PCDHGB1: variants seen among roughly 807,000 people sequenced by gnomAD.
PCDHGB1 encodes the protein protocadherin gamma subfamily B, 1, also known as protocadherin gamma-B1.
A neutral mutation model predicts 56.6 loss-of-function variants in PCDHGB1; 34 were observed. The observed-to-expected ratio is 0.60, with a 90% CI of 0.46 to 0.80. PCDHGB1 has a LOEUF of 0.80. Ranked by LOEUF, PCDHGB1 falls within the 30% of genes least tolerant of loss-of-function variation. The pLI is 0.00. For synonymous variants in PCDHGB1, 561 were observed against 505.9 expected (o/e 1.11, Z -1.46); for missense variants, 1,278 against 1,204.6 (o/e 1.06, Z -0.90).
At position 141,352,431 on chromosome 5, in the gene PCDHGB1, A is replaced by G. The variant is rs1158793043; in HGVS notation, c.2171A>G (p.Gln724Arg). 6.2e-7 allele frequency: 1 copy of G among 1,613,890 alleles called. No homozygotes were observed. Among genetic ancestry groups the G allele is most frequent in the African/African-American group, 1.3e-5 (1 of 74,920 alleles). The part of the protein sequence containing the change: ...SSSLDTEGCF[Q>R]TGLCSKSGPG... ...AGCCTCGACACTGAGGGCTGCTTTCAAACCGGTCTCTGCTCCAAGTCTGGG... is the reference window on the plus strand; with the variant it reads ...AGCCTCGACACTGAGGGCTGCTTTCGAACCGGTCTCTGCTCCAAGTCTGGG... The change falls in exon 1 of 4, where the codon CAA (glutamine) becomes CGA (arginine). Residue 724 changes from glutamine to arginine, a missense_variant. By Grantham distance (43) the Gln-to-Arg change is conservative. Transcript: ENST00000523390.
At chr5:141,368,172 A>G (rs1160663847) in intron 1 of PCDHGB1, among the ~76,000 whole-genome samples, 2 of 152,230 alleles carry the variant, frequency 1.3e-5, no homozygotes, top group African/African-American at 4.8e-5. Context: ...TCAGCTTCAA[A>G]TAATGACTAA....
chr5:141,389,767 G>C, intron 1 of PCDHGB1: 2 of 1,613,028 alleles, frequency 1.2e-6, no homozygotes, highest in Non-Finnish European at 8.5e-7. Context: ...CGCACAGCGC[G>C]TGCCTTAGGC....
intron 1 of PCDHGB1, among the ~76,000 whole-genome samples, chr5:141,449,674 TA>T (rs2154562752): frequency 6.6e-6 from 1 of 151,604 alleles, no homozygotes; most frequent in African/African-American, 2.4e-5. Context: ...AGTGTGTATG[TA>T]TATATGTTTG....
intron 1 of PCDHGB1, among the ~76,000 whole-genome samples, chr5:141,358,638 TAAGTAGATTC>T (rs936641490): frequency 2.8e-4 from 42 of 152,294 alleles, no homozygotes; most frequent in African/African-American, 9.4e-4. Context: ...CAGTCATATA[TAAGTAGATTC>T]TAGGAGTAAC....
chr5:141,374,296 G>A, intron 1 of PCDHGB1: 3 of 1,613,974 alleles, frequency 1.9e-6, no homozygotes, highest in Non-Finnish European at 2.5e-6. Flanking sequence ...CCAGAGGTAG[G>A]ATGCAGCTTT....
intron 1 of PCDHGB1, among the ~76,000 whole-genome samples, chr5:141,446,394 A>C (rs796472404): frequency 1.1e-4 from 17 of 152,344 alleles, no homozygotes; most frequent in African/African-American, 3.4e-4. Context: ...ATTTAAGAGA[A>C]ATCGAGTTGA....
chr5:141,508,241 T>G (rs1475142426), intron 3 of PCDHGB1: 2 of 152,286 alleles, frequency 1.3e-5, no homozygotes, highest in East Asian at 3.9e-4. Context: ...CTCCTAAGTC[T>G]GCCTCTCCTG....
chr5:141,467,321 G>A (rs2099141786), intron 1 of PCDHGB1, among the ~76,000 whole-genome samples: 2 of 152,024 alleles, frequency 1.3e-5, no homozygotes, highest in East Asian at 1.9e-4. Context: ...CCACAGTGCT[G>A]GGATTAGAGA....
chr5:141,478,517 T>G (rs1593923092), intron 1 of PCDHGB1: 1 of 1,611,116 alleles, frequency 6.2e-7, no homozygotes, highest in Non-Finnish European at 8.5e-7. Context: ...TAGGCAGGTG[T>G]TGGGTGCAGA....
chr5:141,360,069 G>T, intron 1 of PCDHGB1: 1 of 1,469,260 alleles, frequency 6.8e-7, no homozygotes, highest in East Asian at 2.5e-5. Context: ...AGTGACCTTA[G>T]CCCGGATTCT....
rs1428910817 is a variant in PCDHGB1, at chr5:141,390,296, A to G, written c.2409+37627A>G. ...CTTCCCATCAGGTGAGTTTCCTTTA[A>G]GTATAATTTAATGCTCATTGCCTAC... On this transcript the variant is annotated intron_variant, in intron 1 of 3. Coordinates refer to ENST00000523390, the MANE Select transcript of PCDHGB1 (RefSeq NM_018922.3). 7 of 1,613,806 alleles carry G rather than the reference A, an allele frequency of 4.3e-6. No individual in the cohort carries two copies. The Admixed American group carries it at 1.2e-4, about 27-fold the overall frequency.
At chr5:141,384,266 C>A in intron 1 of PCDHGB1, 1 of 1,613,876 alleles carries the variant, frequency 6.2e-7, no homozygotes, top group Non-Finnish European at 8.5e-7. Context: ...CCCCACTCAT[C>A]CTACTCAGTC....
intron 1 of PCDHGB1, chr5:141,376,964 G>C (rs1365805251): frequency 6.2e-6 from 1 of 160,316 alleles, no homozygotes; most frequent in Non-Finnish European, 1.4e-5. Flanking sequence ...TGGGATTACA[G>C]GCGTGAGCCA....
intron 1 of PCDHGB1, chr5:141,360,246 T>C: frequency 6.2e-7 from 1 of 1,613,890 alleles, no homozygotes; most frequent in Admixed American, 1.7e-5. Flanking sequence ...GCTATTCAAT[T>C]CCAGAGGAGC....
At chr5:141,372,524 A>G (rs1768835682) in intron 1 of PCDHGB1, 2 of 1,613,968 alleles carry the variant, frequency 1.2e-6, no homozygotes, top group East Asian at 2.2e-5. Context: ...TGATTCTGGC[A>G]ATCTCCCTGC....
intron 1 of PCDHGB1, chr5:141,362,613 T>G: frequency 6.4e-7 from 1 of 1,552,174 alleles, no homozygotes; most frequent in East Asian, 2.3e-5. Context: ...CTAATTTGGG[T>G]AGGAAGTTCC....
In PCDHGB1 at chr5:141,476,529, A is replaced by G. The variant is rs752442904; in HGVS notation, c.2410-18278A>G. On this transcript the variant is annotated intron_variant, in intron 1 of 3. Coordinates refer to ENST00000523390, the MANE Select transcript of PCDHGB1 (RefSeq NM_018922.3). The surrounding 1 kb of genome is among the most constrained non-coding windows in gnomAD (Gnocchi z 7.6). ...GACAACAATCCTGCTTTCCCTACCCAGGAAATGAAATTGGAGATTAGCGAG... is the reference window on the plus strand; with the variant it reads ...GACAACAATCCTGCTTTCCCTACCCGGGAAATGAAATTGGAGATTAGCGAG... 2.8e-5 allele frequency: 46 copies of G among 1,614,198 alleles called. No individual in the cohort carries two copies. Among genetic ancestry groups the G allele is most frequent in the Non-Finnish European group, 3.8e-5 (45 of 1,180,044 alleles).
chr5:141,395,013 G>A, intron 1 of PCDHGB1: 2 of 1,614,064 alleles, frequency 1.2e-6, no homozygotes, highest in South Asian at 1.1e-5. Flanking sequence ...CAGATTGGTA[G>A]GCGTGCCTGC....
At chr5:141,357,716 T>G in intron 1 of PCDHGB1, 2 of 1,441,654 alleles carry the variant, frequency 1.4e-6, no homozygotes, top group Non-Finnish European at 1.9e-6. Context: ...TCAAATAAAG[T>G]TGCCTCTTTT....
Sources: allele counts gnomAD v4.1 joint callset (sites outside exome capture counted in the v4.1 genomes callset), GRCh38; gene constraint gnomAD v4.1.1; non-coding constraint Gnocchi (gnomAD v3.1); transcripts MANE v1.5; gene names NCBI Gene and HGNC (gene_info 2026-07-23, HGNC 2026-07-21).